The following LYRM7 variants were observed in gnomAD, a reference collection of about 807,000 sequenced individuals.
LYRM7 encodes the protein complex III assembly factor LYRM7.
A neutral mutation model predicts 15.8 loss-of-function variants in LYRM7; 9 were observed. That is an observed-to-expected ratio of 0.57 (90% CI 0.34 to 0.99). The LOEUF is 0.99. Among genes scored for constraint, LYRM7 ranks in the 50% least tolerant of loss-of-function variants. The pLI, the probability that LYRM7 is intolerant of heterozygous loss-of-function variation, is 0.02. For synonymous variants in LYRM7, 39 were observed against 39.4 expected (o/e 0.99, Z 0.04); for missense variants, 115 against 119.1 (o/e 0.97, Z 0.16).
Position 131,171,013 on chromosome 5 carries a change from G to A in LYRM7, c.-8G>A. The A allele has an allele frequency of 6.5e-7, 1 of 1,546,950 alleles. No homozygotes were observed. Among genetic ancestry groups the A allele is most frequent in the Non-Finnish European group, 8.7e-7 (1 of 1,153,462 alleles). ...GCTCTGGAGGTAGCGGCCGCGGTGA[G>A]GAGAGCCATGGGACGGGCAGTCAAG... On this transcript the variant is annotated 5_prime_UTR_variant, in exon 1 of 5. Coordinates refer to ENST00000379380, the MANE Select transcript of LYRM7 (RefSeq NM_181705.4).
rs1250934089 is a variant in LYRM7 at position 131,181,616 on chromosome 5, T to C, written c.92-613T>C. Among the ~76,000 whole-genome samples the C allele has an allele frequency of 2.0e-5, 3 of 151,356 alleles. No homozygotes were observed. The Admixed American group carries it at 2.0e-4, about 10-fold the overall frequency. On this transcript the variant is annotated intron_variant, in intron 2 of 4. Transcript: ENST00000379380. The stretch of plus-strand genomic sequence containing the variant: ...AGCTAACAATTTGTTGCATATTTGC[T>C]AAGCACTTTATACGGATTGTTCCAT...
In LYRM7 at chr5:131,203,076, A is replaced by G. The variant is rs554834292; in HGVS notation, c.*3475A>G. The G allele has an allele frequency of 2.0e-5, 3 of 152,484 alleles. No homozygotes were observed. Among genetic ancestry groups the G allele is most frequent in the African/African-American group, 7.2e-5 (3 of 41,584 alleles). 9.4% of individuals were successfully genotyped at this position (152,484 alleles called of 1,614,324 possible). A position where few individuals can be genotyped will look rare whatever the true frequency, so the allele number is the denominator to read the frequency against. ...GCACACAAGAATAAGAATATGTGGA[A>G]TTTCTATACCTATTGACAAAGCACA... On this transcript the variant is annotated 3_prime_UTR_variant, in exon 5 of 5. Transcript: ENST00000379380.
rs1561544379 is a variant in LYRM7, at chr5:131,181,380, TAA to T, written c.92-848_92-847del. Reference sequence around the variant, plus strand: ...ATATATTAACATATATATGTATATATAATATATACATATATATTATATATACA... The same window carrying T: ...ATATATTAACATATATATGTATATATTATATACATATATATTATATATACA... On this transcript the variant is annotated intron_variant, in intron 2 of 4. Transcript: ENST00000379380. Among the ~76,000 whole-genome samples, 159 of 93,868 alleles carry T rather than the reference TAA, an allele frequency of 1.7e-3. 1 individual carries two copies. Among genetic ancestry groups the T allele is most frequent in the Non-Finnish European group, 2.4e-3 (136 of 56,302 alleles). 61.6% of individuals were successfully genotyped at this position (93,868 alleles called of 152,430 possible). A position where few individuals can be genotyped will look rare whatever the true frequency, so the allele number is the denominator to read the frequency against.
At chr5:131,175,197 CTTT>C (rs59140330) in intron 1 of LYRM7, among the ~76,000 whole-genome samples, 12 of 125,582 alleles carry the variant, frequency 9.6e-5, no homozygotes, top group East Asian at 4.4e-4. Context: ...GCTTCAATCT[CTTT>C]TTTTTTTTTT....
At chr5:131,181,316 T>TACAC (rs1554089874) in intron 2 of LYRM7, among the ~76,000 whole-genome samples, 6 of 27,638 alleles carry the variant, frequency 2.2e-4, no homozygotes, top group Non-Finnish European at 3.8e-4. Flanking sequence ...TATATATATA[T>TACAC]ACACACACAC....
chr5:131,175,400 T>C (rs953931778), intron 1 of LYRM7, among the ~76,000 whole-genome samples: 16 of 151,870 alleles, frequency 1.1e-4, no homozygotes, highest in African/African-American at 3.9e-4. Flanking sequence ...GGTTTCTCCA[T>C]GTTGGTCAGG....
At chr5:131,186,375 T>C (rs933094134) in intron 3 of LYRM7, among the ~76,000 whole-genome samples, 1 of 152,230 alleles carries the variant, frequency 6.6e-6, no homozygotes. Flanking sequence ...AAATATAGAA[T>C]TGATAGATAA....
At chr5:131,185,407 T>C (rs1188438959) in intron 3 of LYRM7, among the ~76,000 whole-genome samples, 2 of 152,176 alleles carry the variant, frequency 1.3e-5, no homozygotes, top group Non-Finnish European at 1.5e-5. Flanking sequence ...TGCCTCTTCT[T>C]GGGATATTCT....
In LYRM7 at chr5:131,196,524, C is replaced by G. The variant is rs1028218786; in HGVS notation, c.245-3007C>G. 3.1e-4 allele frequency among the ~76,000 whole-genome samples: 47 copies of G among 152,134 alleles called. 1 individual carries two copies. Among genetic ancestry groups the G allele is most frequent in the African/African-American group, 1.1e-3 (47 of 41,506 alleles). On this transcript the variant is annotated intron_variant, in intron 4 of 4. Coordinates refer to ENST00000379380, the MANE Select transcript of LYRM7 (RefSeq NM_181705.4). ...CCTTTTGCCCTTTTCTCTCTTCTTC[C>G]CATCTGGAGTGCAGATGTGATATGA...
chr5:131,187,050 T>C lies in LYRM7; in HGVS notation c.185T>C (p.Val62Ala), dbSNP rs1017347784. Reference protein sequence around the residue: ...IEELMKIGSDVELLLRTSVIQ... With the variant: ...IEELMKIGSDAELLLRTSVIQ... Reference sequence around the variant, plus strand: ...CAGCTAATGAAAATAGGTTCTGATGTTGAATTATTACTCAGAACATCTGTT... The same window carrying C: ...CAGCTAATGAAAATAGGTTCTGATGCTGAATTATTACTCAGAACATCTGTT... Residue 62 changes from valine (V) to alanine (A), a missense_variant, in exon 4 of 5, where the codon GTT becomes GCT. Physicochemically the swap from Val to Ala is moderately conservative, Grantham distance 64 (BLOSUM62 0). Transcript: ENST00000379380. The C allele has an allele frequency of 1.9e-6, 3 of 1,558,642 alleles. No individual in the cohort carries two copies. The highest frequency in any genetic ancestry group is 2.6e-6 in the Non-Finnish European group (3 of 1,144,086).
chr5:131,188,592 G>A (rs1474212010), intron 4 of LYRM7, among the ~76,000 whole-genome samples: 3 of 151,874 alleles, frequency 2.0e-5, no homozygotes, highest in Non-Finnish European at 4.4e-5. Context: ...TTTTCTAAGG[G>A]GTTGTCTGCC....
intron 4 of LYRM7, among the ~76,000 whole-genome samples, chr5:131,192,075 AC>A (rs1755895633): frequency 6.9e-6 from 1 of 144,788 alleles, no homozygotes; most frequent in Admixed American, 6.9e-5. Context: ...ACACACACAC[AC>A]ACACAATGCA....
chr5:131,181,302 A>AAAAAATATATATATATATATATAT (rs1554089865), intron 2 of LYRM7, among the ~76,000 whole-genome samples: 1 of 8,774 alleles, frequency 1.1e-4, no homozygotes. Context: ...AAAAAAAAAA[A>AAAAAATATATATATATATATATAT]ATATATATAT....
intron 4 of LYRM7, among the ~76,000 whole-genome samples, chr5:131,192,312 G>A (rs1336278329): frequency 6.6e-6 from 1 of 152,086 alleles, no homozygotes; most frequent in African/African-American, 2.4e-5. Flanking sequence ...TGGTTAATGG[G>A]TCCAAAATTA....
chr5:131,198,207 C>A (rs777548326), intron 4 of LYRM7, among the ~76,000 whole-genome samples: 3 of 152,030 alleles, frequency 2.0e-5, no homozygotes, highest in Non-Finnish European at 2.9e-5. Context: ...CAAGGACATT[C>A]TCTAATGTAA....
rs1756100264 is a variant in LYRM7 at position 131,202,954 on chromosome 5, T to C, written c.*3353T>C. 6.6e-6 allele frequency: 1 copy of C among 152,330 alleles called. No homozygotes were observed. The highest frequency in any genetic ancestry group is 2.1e-4 in the South Asian group (1 of 4,828). The allele number at this position is 152,330 out of a possible 1,614,324, so 9.4% of individuals were successfully genotyped here. A position where few individuals can be genotyped will look rare whatever the true frequency, so the allele number is the denominator to read the frequency against. On this transcript the variant is annotated 3_prime_UTR_variant, in exon 5 of 5. Transcript: ENST00000379380. ...GCAGGTAGTTTGTACAACATCTAATTCAGAACATTAAAATTAAGATTTTAG... is the reference window on the plus strand; with the variant it reads ...GCAGGTAGTTTGTACAACATCTAATCCAGAACATTAAAATTAAGATTTTAG...
intron 4 of LYRM7, among the ~76,000 whole-genome samples, chr5:131,189,136 AC>A (rs1362489719): frequency 6.8e-6 from 1 of 146,330 alleles, no homozygotes; most frequent in African/African-American, 2.5e-5. Flanking sequence ...ACAGAGTGAG[AC>A]TCCATCTCAA....
chr5:131,182,221 C>T lies in LYRM7; in HGVS notation c.92-8C>T. ...AGCGAATAACTATATGTATTTTTCT[C>T]TTTGTAGCAGCCAGAATAAAGATAA... is the stretch of plus-strand genomic sequence containing the variant. On this transcript the variant is annotated splice_polypyrimidine_tract_variant and splice_region_variant and intron_variant, in intron 2 of 4. Coordinates refer to ENST00000379380, the MANE Select transcript of LYRM7 (RefSeq NM_181705.4). 1 of 1,415,444 alleles carries T rather than the reference C, an allele frequency of 7.1e-7. No individual in the cohort carries two copies. Among genetic ancestry groups the T allele is most frequent in the Non-Finnish European group, 9.6e-7 (1 of 1,046,302 alleles). 87.7% of individuals were successfully genotyped at this position (1,415,444 alleles called of 1,614,324 possible).
rs1189262701 is a variant in LYRM7 at position 131,204,132 on chromosome 5, C to T, written c.*4531C>T. ...TTTTTTTTTAGAGACAAGATCTCTCCGTGTTGTCTAGGCTGGACTCAAACT... is the reference window on the plus strand; with the variant it reads ...TTTTTTTTTAGAGACAAGATCTCTCTGTGTTGTCTAGGCTGGACTCAAACT... On this transcript the variant is annotated 3_prime_UTR_variant, in exon 5 of 5. Transcript: ENST00000379380. 1 of 150,812 alleles carries T rather than the reference C, an allele frequency of 6.6e-6. No homozygotes were observed. The highest frequency in any genetic ancestry group is 1.5e-5 in the Non-Finnish European group (1 of 67,770). 9.3% of individuals were successfully genotyped at this position (150,812 alleles called of 1,614,324 possible).
Sources: allele counts gnomAD v4.1 joint callset (sites outside exome capture counted in the v4.1 genomes callset), GRCh38; gene constraint gnomAD v4.1.1; transcripts MANE v1.5; gene names NCBI Gene and HGNC (gene_info 2026-07-23, HGNC 2026-07-21).